GCNT2: variants seen among roughly 807,000 people sequenced by gnomAD.
GCNT2 encodes N-acetyllactosaminide beta-1,6-N-acetylglucosaminyl-transferase.
In GCNT2, 34 loss-of-function variants were observed where a neutral mutation model predicts 34.2. The ratio of observed to expected loss-of-function variants is 1.00; its 90% CI spans 0.76 to 1.32. The LOEUF (loss-of-function observed/expected upper bound fraction) is 1.32, where lower values mean the gene tolerates loss of function less well. GCNT2 is among the 40% of genes most tolerant of loss of function. The probability of loss-of-function intolerance (pLI) is 0.00; values close to 1 mark genes in which losing one functional copy is unlikely to be tolerated. For synonymous variants in GCNT2, 212 were observed against 188.0 expected, an observed-to-expected ratio of 1.13 and a Z score of -1.04; for missense variants, 584 against 489.4, an observed-to-expected ratio of 1.19 and a Z score of -1.82.
At chr6:10,621,479 T>C (rs1210627465) in intron 4 of GCNT2, 36 bp downstream of exon 4, 1 of 1,328,454 alleles carries the variant, frequency 7.5e-7, no homozygotes. Flanking sequence ...GGCCACTGCC[T>C]GTTGGTGTTA....
chr6:10,541,545 C>G (rs1351117248), intron 3 of GCNT2, among the ~76,000 whole-genome samples: 2 of 152,200 alleles, frequency 1.3e-5, no homozygotes, highest in East Asian at 3.9e-4. Context: ...GGTCAAATTC[C>G]TATACGTTTT....
At chr6:10,607,236 C>T (rs570246774) in intron 3 of GCNT2, among the ~76,000 whole-genome samples, 124 of 152,278 alleles carry the variant, frequency 8.1e-4, no homozygotes, top group Middle Eastern at 3.4e-3. Context: ...AATTGCCTCA[C>T]AGTTCCACAG....
chr6:10,536,764 C>T (rs137872627), intron 3 of GCNT2, among the ~76,000 whole-genome samples: 9 of 144,870 alleles, frequency 6.2e-5, no homozygotes, highest in East Asian at 6.1e-4. Context: ...AGTACAGTGG[C>T]GCAATCTCGG....
chr6:10,602,209 T>C (rs921445359), intron 3 of GCNT2, among the ~76,000 whole-genome samples: 2 of 152,216 alleles, frequency 1.3e-5, no homozygotes, highest in Non-Finnish European at 2.9e-5. Context: ...CATACCAGAA[T>C]TGAACAGATC....
chr6:10,574,938 C>T (rs1017178107), intron 3 of GCNT2: 1 of 719,848 alleles, frequency 1.4e-6, no homozygotes. Context: ...TCTTAGAGTG[C>T]TTAATGTGCT....
intron 1 of GCNT2, among the ~76,000 whole-genome samples, chr6:10,526,256 TG>T (rs1761179776): frequency 6.6e-6 from 1 of 152,216 alleles, no homozygotes; most frequent in Non-Finnish European, 1.5e-5. Flanking sequence ...TAGGCACAAC[TG>T]GGTGTACCTG....
At chr6:10,550,892 T>G (rs1762451604) in intron 3 of GCNT2, among the ~76,000 whole-genome samples, 1 of 152,220 alleles carries the variant, frequency 6.6e-6, no homozygotes, top group Admixed American at 6.5e-5. Context: ...AAGTAAAGTT[T>G]GCAAACCACT....
chr6:10,584,006 A>G lies in GCNT2; in HGVS notation c.926-37345A>G, dbSNP rs553320695. 2.0e-5 allele frequency among the ~76,000 whole-genome samples: 3 copies of G among 152,264 alleles called. No homozygotes were observed. The South Asian group carries it at 6.2e-4, about 32-fold the overall frequency. ...GAGATGAGAGACTGAGAAAAGAAAT[A>G]AGACACAGAGACAAAGTACAGAGGA... On this transcript the variant is annotated intron_variant, in intron 3 of 4. Transcript: ENST00000495262.
In GCNT2 at chr6:10,586,386, C is replaced by T. The variant is rs142340241; in HGVS notation, c.926-34965C>T. On this transcript the variant is annotated intron_variant, in intron 3 of 4. Coordinates refer to ENST00000495262, the MANE Select transcript of GCNT2 (RefSeq NM_145649.5). Reference sequence around the variant, plus strand: ...CTGTGTTCACGTGGATGAGAAAGCCCCAGCTGAGTATAAGGAATCTGTGAG... The same window carrying T: ...CTGTGTTCACGTGGATGAGAAAGCCTCAGCTGAGTATAAGGAATCTGTGAG... 2.5e-4 allele frequency: 399 copies of T among 1,614,068 alleles called. 1 individual carries two copies. The East Asian group carries it at 7.9e-3, about 32-fold the overall frequency.
intron 1 of GCNT2, among the ~76,000 whole-genome samples, chr6:10,525,797 A>T (rs1348116916): frequency 1.3e-5 from 2 of 152,198 alleles, no homozygotes; most frequent in East Asian, 1.9e-4. Context: ...CACAAAATAC[A>T]AGTGTTCGTT....
At chr6:10,548,832 C>G (rs923722290) in intron 3 of GCNT2, among the ~76,000 whole-genome samples, 1 of 151,636 alleles carries the variant, frequency 6.6e-6, no homozygotes, top group African/African-American at 2.4e-5. Context: ...GATCTCAGTT[C>G]ACTTGCAACC....
At chr6:10,524,605 T>C (rs1298985469) in intron 1 of GCNT2, among the ~76,000 whole-genome samples, 1 of 151,954 alleles carries the variant, frequency 6.6e-6, no homozygotes, top group Non-Finnish European at 1.5e-5. Context: ...AGAAAACACA[T>C]AAATAAGAAA....
At chr6:10,546,062 T>C (rs1211017276) in intron 3 of GCNT2, among the ~76,000 whole-genome samples, 1 of 152,186 alleles carries the variant, frequency 6.6e-6, no homozygotes, top group African/African-American at 2.4e-5. Flanking sequence ...GCAGCCTCTT[T>C]TGCTGTTCTT....
intron 3 of GCNT2, among the ~76,000 whole-genome samples, chr6:10,611,394 G>A (rs1365792026): frequency 2.0e-5 from 3 of 149,732 alleles, no homozygotes; most frequent in Non-Finnish European, 3.0e-5. Context: ...GCAGTGACGC[G>A]ATCTCAGCTC....
Position 10,529,400 on chromosome 6 carries a change from G to A in GCNT2, c.489G>A (p.Gly163=), listed in dbSNP as rs1182387946. Residue 163 remains glycine (G), a synonymous_variant, in exon 3 of 5, where the codon GGG becomes GGA. Transcript: ENST00000495262. ...AGAAGGAGTCGGTTGTCTATGGGGG[G>A]ATCTCCAGGCTCCAGGCTGACCTGA... The part of the protein sequence containing the change: ...ASKKESVVYG[G]ISRLQADLNC... The A allele has an allele frequency of 6.2e-7, 1 of 1,614,074 alleles. No homozygotes were observed. The highest frequency in any genetic ancestry group is 8.5e-7 in the Non-Finnish European group (1 of 1,180,004).
intron 1 of GCNT2, among the ~76,000 whole-genome samples, chr6:10,526,873 T>G (rs1176030986): frequency 1.3e-5 from 2 of 152,164 alleles, no homozygotes; most frequent in Non-Finnish European, 2.9e-5. Context: ...CCTAAAGCTT[T>G]GGGACCCTGA....
intron 1 of GCNT2, among the ~76,000 whole-genome samples, chr6:10,523,148 G>A (rs1761001444): frequency 1.3e-5 from 2 of 152,086 alleles, no homozygotes; most frequent in Non-Finnish European, 2.9e-5. Flanking sequence ...AGCCAGGCGC[G>A]GTGTGGCTCA....
Position 10,538,401 on chromosome 6 carries a change from T to G in GCNT2, c.925+8565T>G, listed in dbSNP as rs1761870264. Among the ~76,000 whole-genome samples the G allele has an allele frequency of 3.3e-5, 3 of 91,128 alleles. No individual in the cohort carries two copies. The South Asian group carries it at 1.2e-3, about 37-fold the overall frequency. 59.8% of individuals were successfully genotyped at this position (91,128 alleles called of 152,430 possible). A position where few individuals can be genotyped will look rare whatever the true frequency, so the allele number is the denominator to read the frequency against. On this transcript the variant is annotated intron_variant, in intron 3 of 4. Transcript: ENST00000495262. ...CTGGCCTGGGCGACAAGAGTGAGAC[T>G]CCGTCTCAAAAAAAAAAAAAAAAAA... is the stretch of plus-strand genomic sequence containing the variant.
chr6:10,560,510 G>A (rs182257085), intron 3 of GCNT2, among the ~76,000 whole-genome samples: 6 of 152,176 alleles, frequency 3.9e-5, no homozygotes, highest in East Asian at 1.9e-4. Flanking sequence ...CCCTCAAAGC[G>A]ACCGCCTCCC....
Sources: gnomAD v4.1 joint callset for allele counts (sites outside exome capture counted in the v4.1 genomes callset) on GRCh38, gnomAD v4.1.1 for gene constraint, MANE v1.5 for transcripts, NCBI Gene and HGNC (gene_info 2026-07-23, HGNC 2026-07-21) for gene names.